ADGRL2: variants seen among roughly 807,000 people sequenced by gnomAD.
ADGRL2 encodes the protein calcium-independent alpha-latrotoxin receptor 2.
ADGRL2 carries 44 observed loss-of-function variants against 157.4 expected under a neutral mutation model. That is an observed-to-expected ratio of 0.28 (90% CI 0.22 to 0.36). The LOEUF (loss-of-function observed/expected upper bound fraction) is 0.36. Among genes scored for constraint, ADGRL2 ranks in the 10% least tolerant of loss-of-function variants. The pLI is 1.00. For missense variants in ADGRL2, 1,510 were observed against 1,768.9 expected, an observed-to-expected ratio of 0.85 and a Z score of 2.63; for synonymous variants, 585 against 624.7, an observed-to-expected ratio of 0.94 and a Z score of 0.95.
intron 3 of ADGRL2, among the ~76,000 whole-genome samples, chr1:81,650,583 A>G (rs1263392183): frequency 4.0e-5 from 6 of 151,580 alleles, no homozygotes; most frequent in South Asian, 2.1e-4. Context: ...TCAAAAAAAA[A>G]AAAAAAAAAA....
At chr1:81,576,525 C>A (rs1297735851) in intron 2 of ADGRL2, among the ~76,000 whole-genome samples, 1 of 152,106 alleles carries the variant, frequency 6.6e-6, no homozygotes, top group Non-Finnish European at 1.5e-5. Flanking sequence ...TACCCCCATT[C>A]AGAAGACATG....
intron 2 of ADGRL2, among the ~76,000 whole-genome samples, chr1:81,573,744 G>A (rs1054241036): frequency 2.0e-5 from 3 of 152,132 alleles, no homozygotes; most frequent in Admixed American, 6.5e-5. Flanking sequence ...GAGAACTTTT[G>A]AGATAGGATT....
At chr1:81,664,963 G>A (rs560632210) in intron 3 of ADGRL2, among the ~76,000 whole-genome samples, 5 of 152,116 alleles carry the variant, frequency 3.3e-5, no homozygotes, top group East Asian at 3.9e-4. Flanking sequence ...CTAAGAATAC[G>A]ATAAACAATG....
At chr1:81,785,839 G>GGC (rs1320670279) in intron 2 of ADGRL2, among the ~76,000 whole-genome samples, 2 of 152,068 alleles carry the variant, frequency 1.3e-5, no homozygotes, top group Non-Finnish European at 2.9e-5. Context: ...TGCATGTAGT[G>GGC]GCTCACACCT....
intron 2 of ADGRL2, among the ~76,000 whole-genome samples, chr1:81,879,886 G>A (rs1557833581): frequency 6.6e-6 from 1 of 152,174 alleles, no homozygotes; most frequent in East Asian, 1.9e-4. Flanking sequence ...AATTAGCCGG[G>A]CTTGTTGGCA....
intron 23 of ADGRL2, chr1:81,989,570 G>T: frequency 1.0e-6 from 1 of 999,976 alleles, no homozygotes; most frequent in South Asian, 1.6e-5. Context: ...CTAATTTGTT[G>T]AACCCTTGCT....
At chr1:81,644,700 T>C (rs1170812557) in intron 3 of ADGRL2, among the ~76,000 whole-genome samples, 3 of 152,276 alleles carry the variant, frequency 2.0e-5, no homozygotes, top group East Asian at 1.9e-4. Flanking sequence ...ATGTAAACTA[T>C]GGACTCCCGG....
intron 2 of ADGRL2, among the ~76,000 whole-genome samples, chr1:81,868,060 GGTGTGTGTGT>G (rs145794673): frequency 1.1e-4 from 16 of 145,660 alleles, no homozygotes; most frequent in African/African-American, 3.3e-4. Flanking sequence ...GTGTGTGTGT[GGTGTGTGTGT>G]GTGTGTGTGT....
chr1:81,441,316 GATC>G (rs2077503493), intron 1 of ADGRL2, among the ~76,000 whole-genome samples: 1 of 151,952 alleles, frequency 6.6e-6, no homozygotes, highest in South Asian at 2.1e-4. Context: ...CCCTTGTTTT[GATC>G]TATAGTGCAT....
chr1:81,699,195 G>C (rs2083507387), upstream of ADGRL2, among the ~76,000 whole-genome samples: 2 of 152,100 alleles, frequency 1.3e-5, no homozygotes, highest in South Asian at 4.1e-4. Flanking sequence ...TGAAAATACA[G>C]TCATTCTCGA....
upstream of ADGRL2, among the ~76,000 whole-genome samples, chr1:81,698,511 G>A (rs1382816481): frequency 6.6e-6 from 1 of 152,180 alleles, no homozygotes; most frequent in Non-Finnish European, 1.5e-5. Flanking sequence ...TGGGCAAGTT[G>A]AAGCAAAGGC....
intron 1 of ADGRL2, among the ~76,000 whole-genome samples, chr1:81,804,217 T>C (rs992630159): frequency 2.0e-5 from 3 of 152,190 alleles, no homozygotes; most frequent in African/African-American, 7.2e-5. Flanking sequence ...TGGAACGTTT[T>C]GTTGTCTCTC....
chr1:81,484,859 A>T (rs1387292339), intron 2 of ADGRL2, among the ~76,000 whole-genome samples: 1 of 151,964 alleles, frequency 6.6e-6, no homozygotes, highest in Admixed American at 6.6e-5. Context: ...CCCTTCCCAT[A>T]AAAAAAATTT....
At chr1:81,754,515 T>TTCCC (rs1454337354) in intron 1 of ADGRL2, among the ~76,000 whole-genome samples, 2 of 129,220 alleles carry the variant, frequency 1.5e-5, no homozygotes, top group Admixed American at 7.8e-5. Context: ...TCTTTCTTTC[T>TTCCC]TCCCTCCCTC....
intron 2 of ADGRL2, among the ~76,000 whole-genome samples, chr1:81,787,654 TC>T (rs1285248316): frequency 2.7e-5 from 4 of 150,550 alleles, no homozygotes; most frequent in African/African-American, 9.8e-5. Context: ...GACACTTGTC[TC>T]AAAAAAAAAA....
At chr1:81,701,064 C>A (rs535674462) in intron 1 of ADGRL2, among the ~76,000 whole-genome samples, 1 of 152,300 alleles carries the variant, frequency 6.6e-6, no homozygotes, top group South Asian at 2.1e-4. Context: ...ACGGCACACA[C>A]GGTGCCTGCA....
chr1:81,445,460 TGAAGCCA>T (rs2077581633), intron 2 of ADGRL2, among the ~76,000 whole-genome samples: 1 of 152,108 alleles, frequency 6.6e-6, no homozygotes, highest in Non-Finnish European at 1.5e-5. Flanking sequence ...TTTTTGCAAA[TGAAGCCA>T]GAAATTATTC....
rs368413485 is a variant in ADGRL2, at chr1:81,438,218, T to C, written c.-301-6818T>C. ...AAATGGCTCTTTGAGATGGTAACAA[T>C]GGAGTTCTGGCTCCAGCTTATACCT... On this transcript the variant is annotated intron_variant, in intron 1 of 24. Coordinates refer to the ADGRL2 transcript ENST00000370721. Among the ~76,000 whole-genome samples the C allele has an allele frequency of 1.1e-4, 16 of 152,280 alleles. 1 individual carries two copies. The East Asian group carries it at 3.1e-3, about 29-fold the overall frequency.
At chr1:81,697,581 T>C (rs1272458691), upstream of ADGRL2, among the ~76,000 whole-genome samples, 3 of 152,176 alleles carry the variant, frequency 2.0e-5, no homozygotes, top group South Asian at 4.1e-4. Context: ...TGACCCATAG[T>C]AGCCGCTCAG....
Sources: gnomAD v4.1 joint callset for allele counts (sites outside exome capture counted in the v4.1 genomes callset) on GRCh38, gnomAD v4.1.1 for gene constraint, MANE v1.5 for transcripts, NCBI Gene and HGNC (gene_info 2026-07-23, HGNC 2026-07-21) for gene names.